The following IKZF3 variants were observed in gnomAD, a reference collection of about 807,000 sequenced individuals.
IKZF3 encodes the protein zinc finger protein Aiolos.
A neutral mutation model predicts 49.0 loss-of-function variants in IKZF3; 10 were observed. The observed-to-expected ratio is 0.20, with a 90% CI of 0.13 to 0.35. The LOEUF (loss-of-function observed/expected upper bound fraction) is 0.35, where lower values mean the gene tolerates loss of function less well. Among genes scored for constraint, IKZF3 ranks in the 10% least tolerant of loss-of-function variants. IKZF3 has a pLI of 1.00. For synonymous variants in IKZF3, 209 were observed against 228.2 expected, an observed-to-expected ratio of 0.92 and a Z score of 0.76; for missense variants, 498 against 664.8, an observed-to-expected ratio of 0.75 and a Z score of 2.76.
intron 7 of IKZF3, 49 bp from the exon 8 acceptor site, chr17:39,766,542 A>T: frequency 6.8e-7 from 1 of 1,464,984 alleles, no homozygotes; most frequent in Non-Finnish European, 9.3e-7. Context: ...GCCAAGGCAG[A>T]GAGTTTGTAA....
At chr17:39,809,556 T>C (rs1426178685) in intron 3 of IKZF3, among the ~76,000 whole-genome samples, 1 of 152,224 alleles carries the variant, frequency 6.6e-6, no homozygotes, top group African/African-American at 2.4e-5. Context: ...CACTTCCAAA[T>C]GTAATTTTCC....
intron 7 of IKZF3, among the ~76,000 whole-genome samples, chr17:39,772,555 A>G (rs1026385397): frequency 1.3e-5 from 2 of 152,206 alleles, no homozygotes; most frequent in African/African-American, 2.4e-5. Flanking sequence ...CACTTCTTGC[A>G]GGAGGTGGAA....
chr17:39,809,813 T>C (rs2061510004), intron 3 of IKZF3, among the ~76,000 whole-genome samples: 1 of 152,220 alleles, frequency 6.6e-6, no homozygotes, highest in Non-Finnish European at 1.5e-5. Flanking sequence ...TTCAGGATGA[T>C]GATGAAGAAA....
chr17:39,798,142 C>T (rs568756308), intron 3 of IKZF3, among the ~76,000 whole-genome samples: 15 of 152,270 alleles, frequency 9.9e-5, no homozygotes, highest in African/African-American at 3.4e-4. Flanking sequence ...AATTCTCAGA[C>T]CCTATGACTT....
intron 1 of IKZF3, among the ~76,000 whole-genome samples, chr17:39,855,427 T>C (rs934884299): frequency 6.6e-6 from 1 of 152,192 alleles, no homozygotes; most frequent in Admixed American, 6.5e-5. Flanking sequence ...ATTTGTCCTA[T>C]TATATAGATT....
At chr17:39,850,866 T>G (rs1178071574) in intron 1 of IKZF3, among the ~76,000 whole-genome samples, 1 of 102,836 alleles carries the variant, frequency 9.7e-6, no homozygotes, top group African/African-American at 3.4e-5. Flanking sequence ...CTCTATAGTA[T>G]ATATACATAT....
At chr17:39,830,770 T>C (rs1334464341) in intron 2 of IKZF3, among the ~76,000 whole-genome samples, 1 of 152,206 alleles carries the variant, frequency 6.6e-6, no homozygotes, top group Non-Finnish European at 1.5e-5. Flanking sequence ...CCTGTGGCAC[T>C]GAGGCTGGGC....
chr17:39,765,671 A>C lies in IKZF3; in HGVS notation c.*119T>G. 1 of 728,308 alleles carries C rather than the reference A, an allele frequency of 1.4e-6. No homozygotes were observed. The highest frequency in any genetic ancestry group is 2.3e-6 in the Non-Finnish European group (1 of 442,980). 45.1% of individuals were successfully genotyped at this position (728,308 alleles called of 1,614,324 possible). A position where few individuals can be genotyped will look rare whatever the true frequency, so the allele number is the denominator to read the frequency against. ...CCTGGCTACCCCTGTGAACACAGCTAAAAATGGTATGAAAAGAAGTTTGGA... is the reference window on the plus strand; with the variant it reads ...CCTGGCTACCCCTGTGAACACAGCTCAAAATGGTATGAAAAGAAGTTTGGA... On this transcript the variant is annotated 3_prime_UTR_variant, in exon 8 of 8. Coordinates refer to ENST00000346872, the MANE Select transcript of IKZF3 (RefSeq NM_012481.5).
At chr17:39,819,669 G>T (rs2061756592) in intron 3 of IKZF3, among the ~76,000 whole-genome samples, 1 of 152,116 alleles carries the variant, frequency 6.6e-6, no homozygotes, top group Non-Finnish European at 1.5e-5. Context: ...AAGACTCTGA[G>T]AAATGATTTT....
At chr17:39,792,564 A>G (rs2061052162) in intron 4 of IKZF3, 109 bp downstream of exon 4, 2 of 1,131,196 alleles carry the variant, frequency 1.8e-6, no homozygotes, top group African/African-American at 3.1e-5. Context: ...CATCAGCATT[A>G]TAGCAAAAAT....
At chr17:39,832,424 T>C (rs1045954693) in intron 1 of IKZF3, among the ~76,000 whole-genome samples, 10 of 151,930 alleles carry the variant, frequency 6.6e-5, no homozygotes, top group Non-Finnish European at 1.2e-4. Flanking sequence ...TTAGAAATAA[T>C]TTCATATATT....
At chr17:39,807,790 T>C (rs188524801) in intron 3 of IKZF3, among the ~76,000 whole-genome samples, 1 of 152,024 alleles carries the variant, frequency 6.6e-6, no homozygotes, top group Non-Finnish European at 1.5e-5. Context: ...AACAAAATAT[T>C]ACATATGGTA....
At chr17:39,826,509 A>AT (rs2061959630) in intron 3 of IKZF3, among the ~76,000 whole-genome samples, 1 of 152,226 alleles carries the variant, frequency 6.6e-6, no homozygotes, top group Admixed American at 6.5e-5. Context: ...TCAGTTTCTG[A>AT]TTCATGGGCA....
intron 3 of IKZF3, among the ~76,000 whole-genome samples, chr17:39,820,695 A>G: frequency 6.6e-6 from 1 of 152,134 alleles, no homozygotes; most frequent in Non-Finnish European, 1.5e-5. Flanking sequence ...TTTTGTATTC[A>G]TAACGAGCCC....
chr17:39,842,675 C>T (rs1277246884), intron 1 of IKZF3, among the ~76,000 whole-genome samples: 2 of 152,044 alleles, frequency 1.3e-5, no homozygotes, highest in Non-Finnish European at 2.9e-5. Flanking sequence ...TATTCATGTA[C>T]AAATTCATGA....
intron 5 of IKZF3, among the ~76,000 whole-genome samples, chr17:39,790,676 T>C (rs1415427536): frequency 1.3e-5 from 2 of 152,278 alleles, no homozygotes; most frequent in East Asian, 3.9e-4. Flanking sequence ...AAAAGTATTA[T>C]CTTGGTCAAA....
At chr17:39,802,244 AAAG>A in intron 3 of IKZF3, among the ~76,000 whole-genome samples, 1 of 150,994 alleles carries the variant, frequency 6.6e-6, no homozygotes, top group East Asian at 1.9e-4. Flanking sequence ...AAAAAAAAAA[AAAG>A]AGAGATGAAA....
At position 39,758,321 on chromosome 17, in the gene IKZF3, C is replaced by T. The variant is rs2060109219; in HGVS notation, c.*7469G>A. 6.6e-6 allele frequency: 1 copy of T among 152,170 alleles called. No homozygotes were observed. Among genetic ancestry groups the T allele is most frequent in the Non-Finnish European group, 1.5e-5 (1 of 68,044 alleles). The allele number at this position is 152,170 out of a possible 1,614,324, so 9.4% of individuals were successfully genotyped here. A position where few individuals can be genotyped will look rare whatever the true frequency, so the allele number is the denominator to read the frequency against. ...CCACAGTAATTTGGTTTCTGTGAAC[C>T]CACAGAAGCAGGCCCACCAAAAAGG... On this transcript the variant is annotated 3_prime_UTR_variant, in exon 8 of 8. Transcript: ENST00000346872.
intron 6 of IKZF3, among the ~76,000 whole-genome samples, chr17:39,782,333 C>G (rs1381519950): frequency 6.6e-6 from 1 of 151,926 alleles, no homozygotes; most frequent in Non-Finnish European, 1.5e-5. Flanking sequence ...TGCTTGAGCC[C>G]AGGGAGCTAT....
Sources: allele counts gnomAD v4.1 joint callset (sites outside exome capture counted in the v4.1 genomes callset), GRCh38; gene constraint gnomAD v4.1.1; transcripts MANE v1.5; gene names NCBI Gene and HGNC (gene_info 2026-07-23, HGNC 2026-07-21).